ANO3: variants seen among roughly 807,000 people sequenced by gnomAD.
ANO3 encodes anoctamin 3, also known as anoctamin-3.
A neutral mutation model predicts 144.8 loss-of-function variants in ANO3; 99 were observed. The observed-to-expected ratio is 0.68, with a 90% CI of 0.58 to 0.81. ANO3 has a LOEUF of 0.81. Ranked by LOEUF, ANO3 falls within the 30% of genes least tolerant of loss-of-function variation. The pLI, the probability that ANO3 is intolerant of heterozygous loss-of-function variation, is 0.00. For synonymous variants in ANO3, 414 were observed against 392.6 expected (o/e 1.05, Z -0.64); for missense variants, 905 against 1,202.2 (o/e 0.75, Z 3.66).
intron 1 of ANO3, among the ~76,000 whole-genome samples, chr11:26,346,052 A>T (rs1442972420): frequency 6.6e-6 from 1 of 152,170 alleles, no homozygotes; most frequent in African/African-American, 2.4e-5. Context: ...TGTGCTGGCT[A>T]TTGTGCACAT....
chr11:26,561,504 A>C (rs1234437403), intron 14 of ANO3, among the ~76,000 whole-genome samples: 1 of 152,050 alleles, frequency 6.6e-6, no homozygotes, highest in East Asian at 1.9e-4. Flanking sequence ...AATACCTTGC[A>C]TAAAGAAGTG....
Position 26,565,253 on chromosome 11 carries a change from G to A in ANO3, c.1447+5474G>A. 14 of 1,585,792 alleles carry A rather than the reference G, an allele frequency of 8.8e-6. No individual in the cohort carries two copies. Among genetic ancestry groups the A allele is most frequent in the Non-Finnish European group, 1.2e-5 (14 of 1,165,204 alleles). ...GTAGAGTTGTTTTTTCTTGATAAGG[G>A]GTAAACCCAGTGAAGCTATCACTGT... On this transcript the variant is annotated intron_variant, in intron 14 of 26. Transcript: ENST00000256737.
At chr11:26,415,741 A>G (rs1017340523) in intron 1 of ANO3, among the ~76,000 whole-genome samples, 2 of 152,138 alleles carry the variant, frequency 1.3e-5, no homozygotes, top group African/African-American at 4.8e-5. Flanking sequence ...AAATACAGCC[A>G]GGCACATGTT....
At chr11:26,433,206 G>C (rs934228042) in intron 1 of ANO3, among the ~76,000 whole-genome samples, 1 of 152,178 alleles carries the variant, frequency 6.6e-6, no homozygotes, top group Non-Finnish European at 1.5e-5. Context: ...TGGTGTTGGT[G>C]TATAGGAATG....
chr11:26,453,079 G>A (rs1171198463), intron 3 of ANO3, among the ~76,000 whole-genome samples: 1 of 152,002 alleles, frequency 6.6e-6, no homozygotes, highest in Non-Finnish European at 1.5e-5. Flanking sequence ...CCTGAAGGAA[G>A]CACTAAACAT....
intron 23 of ANO3, 112 bp downstream of exon 23, chr11:26,643,446 T>A: frequency 7.5e-7 from 1 of 1,327,384 alleles, no homozygotes; most frequent in Non-Finnish European, 1.0e-6. Context: ...GTCATAGTAT[T>A]AAGAGGCCTT....
At chr11:26,302,421 G>A (rs1854256396) in intron 1 of ANO3, among the ~76,000 whole-genome samples, 1 of 152,126 alleles carries the variant, frequency 6.6e-6, no homozygotes, top group African/African-American at 2.4e-5. Context: ...CTTGAACCTG[G>A]GAGGCAGTGG....
intron 18 of ANO3, among the ~76,000 whole-genome samples, chr11:26,631,476 A>T (rs1852778018): frequency 6.6e-6 from 1 of 152,140 alleles, no homozygotes; most frequent in African/African-American, 2.4e-5. Flanking sequence ...AAATTTTTAA[A>T]AGTGTGTTTG....
chr11:26,460,328 G>A lies in ANO3; in HGVS notation c.314-2702G>A, dbSNP rs558293661. Among the ~76,000 whole-genome samples the A allele has an allele frequency of 2.0e-5, 3 of 149,538 alleles. No individual in the cohort carries two copies. The East Asian group carries it at 6.0e-4, about 30-fold the overall frequency. ...TGCACGTTTGTTACATGGGTAAATT[G>A]CATGTCATAGAGGTTTGGCGTACAG... On this transcript the variant is annotated intron_variant, in intron 3 of 26. Transcript: ENST00000256737.
At chr11:26,629,634 A>AT (rs560348945) in intron 18 of ANO3, among the ~76,000 whole-genome samples, 110 of 151,220 alleles carry the variant, frequency 7.3e-4, no homozygotes, top group Non-Finnish European at 5.9e-4. Flanking sequence ...TAAACCTGCT[A>AT]TTTTTTTTTC....
Position 26,190,131 on chromosome 11 carries a change from G to A in ANO3, c.154+801G>A, listed in dbSNP as rs530902106. 3.3e-5 allele frequency among the ~76,000 whole-genome samples: 5 copies of A among 152,214 alleles called. No individual in the cohort carries two copies. In the South Asian group the frequency reaches 1.0e-3, roughly 32 times the overall value. Reference sequence around the variant, plus strand: ...CCTTATAAAATAAGGCGTTGTAATGGGAACGTAAAAGTTAAGCAAAGCTAT... The same window carrying A: ...CCTTATAAAATAAGGCGTTGTAATGAGAACGTAAAAGTTAAGCAAAGCTAT... On this transcript the variant is annotated intron_variant, in intron 1 of 27. Coordinates refer to the ANO3 transcript ENST00000672621.
chr11:26,208,977 TAAG>T lies in ANO3; in HGVS notation c.154+19654_154+19656del, dbSNP rs532506605. Among the ~76,000 whole-genome samples, 9 of 152,294 alleles carry T rather than the reference TAAG, an allele frequency of 5.9e-5. No individual in the cohort carries two copies. In the East Asian group the frequency reaches 1.4e-3, roughly 23 times the overall value. On this transcript the variant is annotated intron_variant, in intron 1 of 27. Coordinates refer to the ANO3 transcript ENST00000672621. ...GAAAAAGCTAACTTCAAGGTGAACATAAGAAGAAGTCAAGTTTTCTCATTTTTT... is the reference window on the plus strand; with the variant it reads ...GAAAAAGCTAACTTCAAGGTGAACATAAGAAGTCAAGTTTTCTCATTTTTT...
intron 14 of ANO3, among the ~76,000 whole-genome samples, chr11:26,582,613 G>A (rs1176655211): frequency 1.3e-5 from 2 of 152,160 alleles, no homozygotes; most frequent in Non-Finnish European, 2.9e-5. Context: ...CAAGGTGTCA[G>A]TCCTGAATAT....
intron 14 of ANO3, among the ~76,000 whole-genome samples, chr11:26,561,794 T>C (rs1850305296): frequency 6.6e-6 from 1 of 152,004 alleles, no homozygotes. Flanking sequence ...AGTTTTCTTT[T>C]AAAACAAATA....
chr11:26,387,861 C>T (rs1484160837), intron 1 of ANO3, among the ~76,000 whole-genome samples: 11 of 152,084 alleles, frequency 7.2e-5, no homozygotes, highest in African/African-American at 2.7e-4. Flanking sequence ...AGCCCCTCCC[C>T]AGCTTTAGTT....
In ANO3 at chr11:26,294,382, G is replaced by C. The variant is rs192730196; in HGVS notation, c.155-15263G>C. ...AGGATCTTCAAAATAGTGCTGTTTT[G>C]TTTTACTTTATTTTTTTAAATTTTA... On this transcript the variant is annotated intron_variant, in intron 1 of 27. Transcript: ENST00000672621. Among the ~76,000 whole-genome samples, 15 of 151,954 alleles carry C rather than the reference G, an allele frequency of 9.9e-5. No homozygotes were observed. The East Asian group carries it at 1.7e-3, about 18-fold the overall frequency.
chr11:26,246,126 G>C lies in ANO3; in HGVS notation c.154+56796G>C, dbSNP rs116357128. On this transcript the variant is annotated intron_variant, in intron 1 of 27. Transcript: ENST00000672621. Reference sequence around the variant, plus strand: ...GGGGGAAGGTAAGGGAGACCTTAAGGCATCTTCAGTTCAGCATGTCAAAGC... The same window carrying C: ...GGGGGAAGGTAAGGGAGACCTTAAGCCATCTTCAGTTCAGCATGTCAAAGC... Among the ~76,000 whole-genome samples, 1,199 of 152,134 alleles carry C rather than the reference G, an allele frequency of 7.9e-3. 20 individuals are homozygous for C. Among genetic ancestry groups the C allele is most frequent in the African/African-American group, 0.023 (968 of 41,498 alleles).
intron 4 of ANO3, among the ~76,000 whole-genome samples, chr11:26,496,731 T>A (rs185656525): frequency 7.4e-4 from 113 of 152,196 alleles, no homozygotes; most frequent in Non-Finnish European, 1.2e-3. Context: ...TATATTCGTG[T>A]GTACATATAA....
chr11:26,279,945 C>A (rs1398420422), intron 1 of ANO3, among the ~76,000 whole-genome samples: 10 of 152,112 alleles, frequency 6.6e-5, no homozygotes. Context: ...TAGTGTAAAT[C>A]TTTGGTTCAT....
Sources: allele counts gnomAD v4.1 joint callset (sites outside exome capture counted in the v4.1 genomes callset), GRCh38; gene constraint gnomAD v4.1.1; transcripts MANE v1.5; gene names NCBI Gene and HGNC (gene_info 2026-07-23, HGNC 2026-07-21).